Variants in MALRD1 observed in about 807,000 individuals in gnomAD.
MALRD1 encodes MAM and LDL-receptor class A domain-containing protein 1.
MALRD1 carries 247 observed loss-of-function variants against 242.1 expected under a neutral mutation model. The ratio of observed to expected loss-of-function variants is 1.02; its 90% CI spans 0.92 to 1.13. The LOEUF is 1.13. Ranked by LOEUF, MALRD1 falls within the 50% of genes most tolerant of loss-of-function variation. The pLI, the probability that MALRD1 is intolerant of heterozygous loss-of-function variation, is 0.00. For synonymous variants in MALRD1, 995 were observed against 866.6 expected (o/e 1.15, Z -2.60); for missense variants, 2,989 against 2,533.1 (o/e 1.18, Z -3.86).
chr10:19,265,230 A>G (rs1387582287), intron 19 of MALRD1, among the ~76,000 whole-genome samples: 1 of 151,802 alleles, frequency 6.6e-6, no homozygotes, highest in Non-Finnish European at 1.5e-5. Context: ...TTTTTGCTCT[A>G]ATCTTTATTA....
chr10:19,723,679 C>T (rs1400708588), intron 38 of MALRD1, among the ~76,000 whole-genome samples: 1 of 151,250 alleles, frequency 6.6e-6, no homozygotes, highest in East Asian at 1.9e-4. Context: ...GAGTTCAAGG[C>T]TGCAGTGAGC....
chr10:19,540,276 G>A (rs943658411), intron 32 of MALRD1, among the ~76,000 whole-genome samples: 1 of 152,082 alleles, frequency 6.6e-6, no homozygotes, highest in East Asian at 1.9e-4. Context: ...AGGAAGTTTG[G>A]CAGGGAAGAA....
chr10:19,450,507 C>T lies in MALRD1; in HGVS notation c.5029+17C>T. On this transcript the variant is annotated intron_variant, in intron 29 of 39. Transcript: ENST00000454679. ...GCACAACTGGTAAGTTTCCAGAAAG[C>T]ACTTCCATTTGGAAGCACATTTTTA... The T allele has an allele frequency of 6.5e-7, 1 of 1,533,652 alleles. No individual in the cohort carries two copies. The highest frequency in any genetic ancestry group is 8.8e-7 in the Non-Finnish European group (1 of 1,138,498).
At position 19,383,681 on chromosome 10, in the gene MALRD1, A is replaced by G. The variant is rs139892700; in HGVS notation, c.4442-3847A>G. ...TAACTCTGAAAGGTAGACAAGTGTT[A>G]TTATTATTTCCATTACTTAGGTAAA... On this transcript the variant is annotated intron_variant, in intron 26 of 39. Coordinates refer to ENST00000454679, the MANE Select transcript of MALRD1 (RefSeq NM_001142308.3). 5.5e-3 allele frequency among the ~76,000 whole-genome samples: 841 copies of G among 152,224 alleles called. 2 individuals are homozygous for G. The highest frequency in any genetic ancestry group is 8.5e-3 in the Non-Finnish European group (581 of 68,000).
intron 14 of MALRD1, among the ~76,000 whole-genome samples, chr10:19,191,570 G>C (rs1043533169): frequency 2.0e-5 from 3 of 152,154 alleles, no homozygotes; most frequent in Non-Finnish European, 2.9e-5. Flanking sequence ...ATTCACAATA[G>C]CTAAAACCTG....
At chr10:19,613,330 A>G (rs1310652089) in intron 35 of MALRD1, among the ~76,000 whole-genome samples, 3 of 152,000 alleles carry the variant, frequency 2.0e-5, no homozygotes, top group Non-Finnish European at 4.4e-5. Flanking sequence ...TTCTACTTCG[A>G]TGCCCCTTAT....
intron 28 of MALRD1, among the ~76,000 whole-genome samples, chr10:19,435,832 G>A (rs1034563880): frequency 2.6e-5 from 4 of 152,122 alleles, no homozygotes; most frequent in South Asian, 2.1e-4. Flanking sequence ...GTCCACCTCC[G>A]TAAGGGTGGA....
At chr10:19,145,827 A>G (rs1345410421) in intron 10 of MALRD1, among the ~76,000 whole-genome samples, 1 of 152,006 alleles carries the variant, frequency 6.6e-6, no homozygotes, top group Non-Finnish European at 1.5e-5. Flanking sequence ...ATTAATTTAA[A>G]CTTCCCCCTT....
chr10:19,396,285 C>T (rs567299808), intron 28 of MALRD1, among the ~76,000 whole-genome samples: 3 of 151,870 alleles, frequency 2.0e-5, no homozygotes, highest in South Asian at 2.1e-4. Context: ...CACAGGTGCA[C>T]GCCACCACGC....
Position 19,551,476 on chromosome 10 carries a change from T to C in MALRD1, c.5479-16026T>C, listed in dbSNP as rs188055171. On this transcript the variant is annotated intron_variant, in intron 32 of 39. Transcript: ENST00000454679. ...TTTGTATCTTTAGACTTTACTGAAG[T>C]TGCTTATCAGCTTAAGAAGCTTTTG... is the stretch of plus-strand genomic sequence containing the variant. Among the ~76,000 whole-genome samples the C allele has an allele frequency of 2.0e-5, 3 of 152,332 alleles. No homozygotes were observed. The East Asian group carries it at 5.8e-4, about 29-fold the overall frequency.
chr10:19,330,806 T>C (rs1843327660), intron 23 of MALRD1, among the ~76,000 whole-genome samples: 2 of 151,836 alleles, frequency 1.3e-5, no homozygotes, highest in Non-Finnish European at 2.9e-5. Context: ...GCTCATCACA[T>C]ACATGAATCA....
At chr10:19,666,604 A>C (rs551389164) in intron 36 of MALRD1, among the ~76,000 whole-genome samples, 5 of 152,266 alleles carry the variant, frequency 3.3e-5, no homozygotes, top group African/African-American at 9.6e-5. Context: ...GAATATTGCC[A>C]ATTTCTTTTT....
chr10:19,257,362 C>T (rs1839560714), intron 18 of MALRD1, among the ~76,000 whole-genome samples: 1 of 152,070 alleles, frequency 6.6e-6, no homozygotes, highest in South Asian at 2.1e-4. Context: ...CAGAAGGGAA[C>T]AACACAAATC....
intron 2 of MALRD1, among the ~76,000 whole-genome samples, chr10:19,082,131 T>C (rs982115095): frequency 3.3e-5 from 5 of 151,754 alleles, no homozygotes; most frequent in African/African-American, 4.8e-5. Context: ...TAAATAGATG[T>C]TTTCTAGTGT....
chr10:19,528,932 C>G (rs1834216246), intron 31 of MALRD1, among the ~76,000 whole-genome samples: 3 of 152,280 alleles, frequency 2.0e-5, no homozygotes, highest in African/African-American at 7.2e-5. Context: ...TGAACGGGAA[C>G]TCTTCAGGGA....
chr10:19,146,111 C>A, intron 10 of MALRD1, 87 bp from the exon 11 acceptor site: 1 of 1,060,216 alleles, frequency 9.4e-7, no homozygotes, highest in Non-Finnish European at 1.2e-6. Context: ...TTTTGCAGGC[C>A]TCCTAAGATG....
intron 28 of MALRD1, among the ~76,000 whole-genome samples, chr10:19,405,955 G>A (rs1847082061): frequency 6.6e-6 from 1 of 151,976 alleles, no homozygotes; most frequent in Non-Finnish European, 1.5e-5. Flanking sequence ...TGTCACAGTG[G>A]GCTCCTAGAT....
chr10:19,362,137 C>T (rs967915914), intron 26 of MALRD1, among the ~76,000 whole-genome samples: 10 of 152,002 alleles, frequency 6.6e-5, no homozygotes, highest in African/African-American at 1.4e-4. Flanking sequence ...CTGACCAGCC[C>T]GTGAGTCAAG....
Position 19,376,542 on chromosome 10 carries a change from C to CATTTTTTTTT in MALRD1, c.4442-10986_4442-10985insATTTTTTTTT, listed in dbSNP as rs1554842468. On this transcript the variant is annotated intron_variant, in intron 26 of 39. Transcript: ENST00000454679. Reference sequence around the variant, plus strand: ...TTGAAAGTCAAGGAGTTGATACATTCTTTTTTTTTTTTTTTTTTTTTTTTT... The same window carrying CATTTTTTTTT: ...TTGAAAGTCAAGGAGTTGATACATTCATTTTTTTTTTTTTTTTTTTTTTTTTTTTTTTTTT... Among the ~76,000 whole-genome samples, 34 of 94,990 alleles carry CATTTTTTTTT rather than the reference C, an allele frequency of 3.6e-4. 3 individuals are homozygous for CATTTTTTTTT. Among genetic ancestry groups the CATTTTTTTTT allele is most frequent in the African/African-American group, 1.1e-3 (29 of 25,270 alleles). 62.3% of individuals were successfully genotyped at this position (94,990 alleles called of 152,430 possible). A position where few individuals can be genotyped will look rare whatever the true frequency, so the allele number is the denominator to read the frequency against.
Sources: allele counts gnomAD v4.1 joint callset (sites outside exome capture counted in the v4.1 genomes callset), GRCh38; gene constraint gnomAD v4.1.1; transcripts MANE v1.5; gene names NCBI Gene and HGNC (gene_info 2026-07-23, HGNC 2026-07-21).